Variants in FXN observed in about 807,000 individuals in gnomAD.
FXN encodes the protein frataxin.
A neutral mutation model predicts 22.4 loss-of-function variants in FXN; 14 were observed. That is an observed-to-expected ratio of 0.62 (90% CI 0.41 to 0.98). FXN has a LOEUF of 0.98. FXN is among the 50% of genes least tolerant of loss of function. FXN has a pLI of 0.00. For missense variants in FXN, 267 were observed against 268.4 expected (o/e 0.99, Z 0.04); for synonymous variants, 120 against 114.1 (o/e 1.05, Z -0.33).
At chr9:69,048,780 C>A (rs1036110546) in intron 2 of FXN, among the ~76,000 whole-genome samples, 1 of 152,188 alleles carries the variant, frequency 6.6e-6, no homozygotes. Context: ...GTCCCCAGAG[C>A]TATATGCTCA....
intron 4 of FXN, among the ~76,000 whole-genome samples, chr9:69,069,795 C>T (rs1475351758): frequency 1.3e-5 from 2 of 152,200 alleles, no homozygotes; most frequent in African/African-American, 2.4e-5. Flanking sequence ...AGGAGGATGC[C>T]TACTGCCCGA....
chr9:69,042,169 C>T (rs1188620355), intron 1 of FXN, among the ~76,000 whole-genome samples: 2 of 150,336 alleles, frequency 1.3e-5, no homozygotes, highest in East Asian at 2.0e-4. Context: ...ACCCGGGAGG[C>T]GGAGGTTGCA....
intron 2 of FXN, among the ~76,000 whole-genome samples, chr9:69,048,722 TCTA>T (rs1225836243): frequency 7.9e-5 from 12 of 152,208 alleles, no homozygotes; most frequent in Non-Finnish European, 1.5e-4. Flanking sequence ...TCTTGTCACA[TCTA>T]CTAAAAGCAA....
intron 3 of FXN, among the ~76,000 whole-genome samples, chr9:69,059,392 T>TC (rs1491240940): frequency 7.2e-5 from 1 of 13,904 alleles, no homozygotes; most frequent in African/African-American, 2.0e-4. Context: ...AGGCAGCATC[T>TC]TTTTTTTTTT....
At chr9:69,055,361 A>G (rs1190256837) in intron 3 of FXN, among the ~76,000 whole-genome samples, 1 of 152,218 alleles carries the variant, frequency 6.6e-6, no homozygotes. Context: ...TTAGCAAGCT[A>G]CAAAAACAGT....
chr9:69,067,608 TCAAAA>T (rs770797393), intron 4 of FXN, among the ~76,000 whole-genome samples: 7 of 151,852 alleles, frequency 4.6e-5, no homozygotes, highest in Non-Finnish European at 7.4e-5. Flanking sequence ...TATCAAAGCC[TCAAAA>T]CAACAACAAC....
chr9:69,050,899 G>A (rs917314001), intron 2 of FXN, among the ~76,000 whole-genome samples: 3 of 151,810 alleles, frequency 2.0e-5, no homozygotes, highest in Non-Finnish European at 1.5e-5. Context: ...TCCTGCCTCA[G>A]CCTCCCGAGT....
chr9:69,062,956 G>T (rs1832102995), intron 3 of FXN, among the ~76,000 whole-genome samples: 1 of 152,010 alleles, frequency 6.6e-6, no homozygotes. Context: ...CCAGCACTTT[G>T]GGAGGCCGAG....
At chr9:69,047,166 T>C (rs1393196734) in intron 2 of FXN, among the ~76,000 whole-genome samples, 1 of 152,134 alleles carries the variant, frequency 6.6e-6, no homozygotes, top group Admixed American at 6.6e-5. Context: ...AACCAGTATC[T>C]GCATGGACCC....
chr9:69,044,175 AGTGT>A (rs1243835106), intron 1 of FXN, among the ~76,000 whole-genome samples: 1 of 152,200 alleles, frequency 6.6e-6, no homozygotes, highest in Non-Finnish European at 1.5e-5. Flanking sequence ...TTGCTCGTTG[AGTGT>A]TTGTGGCAAC....
rs4745581 is a variant in FXN, at chr9:69,074,964, G to A, written c.*2202G>A. 465,187 of 985,080 alleles carry A rather than the reference G, an allele frequency of 0.47. 110,976 individuals are homozygous for A. Among genetic ancestry groups the A allele is most frequent in the East Asian group, 0.65 (5,723 of 8,800 alleles). 61.0% of individuals were successfully genotyped at this position (985,080 alleles called of 1,614,324 possible). A position where few individuals can be genotyped will look rare whatever the true frequency, so the allele number is the denominator to read the frequency against. On this transcript the variant is annotated 3_prime_UTR_variant, in exon 5 of 5. Coordinates refer to ENST00000484259, the MANE Select transcript of FXN (RefSeq NM_000144.5). ...CCACTTACTTAGAACTCGGTGACAT[G>A]ATGTACTCCTTTATCTGGGACACAG...
In FXN at chr9:69,073,111, T is replaced by C. The variant is rs1832303935; in HGVS notation, c.*349T>C. On this transcript the variant is annotated 3_prime_UTR_variant, in exon 5 of 5. Coordinates refer to ENST00000484259, the MANE Select transcript of FXN (RefSeq NM_000144.5). ...ATTCCAGGAGGGAAAATGAATTGTC[T>C]TCACTCTTCATTCTTTGAAGGATTT... 3 of 1,158,500 alleles carry C rather than the reference T, an allele frequency of 2.6e-6. No homozygotes were observed. The highest frequency in any genetic ancestry group is 4.2e-5 in the South Asian group (2 of 47,310). 71.8% of individuals were successfully genotyped at this position (1,158,500 alleles called of 1,614,324 possible).
chr9:69,073,935 G>T lies in FXN; in HGVS notation c.*1173G>T. On this transcript the variant is annotated 3_prime_UTR_variant, in exon 5 of 5. Coordinates refer to ENST00000484259, the MANE Select transcript of FXN (RefSeq NM_000144.5). ...GCGGTGGCTCACACCTGTAATCCCAGCACTTTTGGAGGCCAAGGTGGGTGG... is the reference window on the plus strand; with the variant it reads ...GCGGTGGCTCACACCTGTAATCCCATCACTTTTGGAGGCCAAGGTGGGTGG... 1.0e-6 allele frequency: 1 copy of T among 959,386 alleles called. No individual in the cohort carries two copies. Among genetic ancestry groups the T allele is most frequent in the Non-Finnish European group, 1.2e-6 (1 of 806,350 alleles). 59.4% of individuals were successfully genotyped at this position (959,386 alleles called of 1,614,324 possible).
intron 1 of FXN, among the ~76,000 whole-genome samples, chr9:69,041,078 A>G (rs1215442269): frequency 1.3e-5 from 2 of 152,196 alleles, no homozygotes; most frequent in East Asian, 3.8e-4. Flanking sequence ...TATCCCTGAC[A>G]CCAGGTTAAG....
chr9:69,072,480 T>G, intron 4 of FXN, 132 bp from the exon 5 acceptor site: 1 of 1,368,944 alleles, frequency 7.3e-7, no homozygotes, highest in Admixed American at 1.9e-5. Context: ...AAGGCAGATA[T>G]ACACTAGCTC....
intron 3 of FXN, among the ~76,000 whole-genome samples, chr9:69,055,634 C>T (rs1831945315): frequency 6.6e-6 from 1 of 151,536 alleles, no homozygotes; most frequent in African/African-American, 2.4e-5. Context: ...GCTGGGATTA[C>T]AGACATGTAC....
intron 1 of FXN, among the ~76,000 whole-genome samples, chr9:69,039,128 C>A (rs2481599): frequency 0.47 from 70,854 of 151,676 alleles, 16,740 homozygotes; most frequent in East Asian, 0.5. Flanking sequence ...TGGCACTCAC[C>A]TGTAATCCCA....
In FXN at chr9:69,074,091, G is replaced by A. The variant is rs1413122107; in HGVS notation, c.*1329G>A. 3.3e-5 allele frequency: 12 copies of A among 359,312 alleles called. No homozygotes were observed. Among genetic ancestry groups the A allele is most frequent in the African/African-American group, 1.1e-4 (5 of 45,032 alleles). 22.3% of individuals were successfully genotyped at this position (359,312 alleles called of 1,614,324 possible). On this transcript the variant is annotated 3_prime_UTR_variant, in exon 5 of 5. Transcript: ENST00000484259. ...TCCCAGCTACTTGGGAGGCTGAAGC[G>A]GAAGAATCGCTTGAACCCAGAGGTG...
chr9:69,038,153 A>T (rs1831596880), intron 1 of FXN, among the ~76,000 whole-genome samples: 1 of 152,200 alleles, frequency 6.6e-6, no homozygotes, highest in African/African-American at 2.4e-5. Context: ...TGAATTAATC[A>T]CATTTGTTTA....
Sources: allele counts gnomAD v4.1 joint callset (sites outside exome capture counted in the v4.1 genomes callset), GRCh38; gene constraint gnomAD v4.1.1; transcripts MANE v1.5; gene names NCBI Gene and HGNC (gene_info 2026-07-23, HGNC 2026-07-21).